The following FBLN2 variants were observed in gnomAD, a reference collection of about 807,000 sequenced individuals.
The protein encoded by FBLN2 is fibulin 2.
In FBLN2, 81 loss-of-function variants were observed where a neutral mutation model predicts 123.7. That is an observed-to-expected ratio of 0.65 (90% CI 0.55 to 0.79). The LOEUF (loss-of-function observed/expected upper bound fraction) is 0.79. FBLN2 is among the 30% of genes least tolerant of loss of function. The pLI is 0.00. For missense variants in FBLN2, 1,603 were observed against 1,681.3 expected, an observed-to-expected ratio of 0.95 and a Z score of 0.81; for synonymous variants, 699 against 701.4, an observed-to-expected ratio of 1.00 and a Z score of 0.05.
At chr3:13,632,800 C>T (rs541869651) in intron 16 of FBLN2, among the ~76,000 whole-genome samples, 1 of 151,944 alleles carries the variant, frequency 6.6e-6, no homozygotes, top group African/African-American at 2.4e-5. Flanking sequence ...CAGAAGCTGG[C>T]TTACTTAGGT....
rs113999147 is a variant in FBLN2, at chr3:13,562,786, C to T, written c.-41-7529C>T. On this transcript the variant is annotated intron_variant, in intron 1 of 17. Coordinates refer to ENST00000404922, the MANE Select transcript of FBLN2 (RefSeq NM_001004019.2). ...ACTGTGTCCCCATTAAGCAGGAACT[C>T]CTCCTGCTTCCCACCTCCAGCCCCT... 3.9e-3 allele frequency among the ~76,000 whole-genome samples: 595 copies of T among 152,328 alleles called. 3 individuals are homozygous for T. The highest frequency in any genetic ancestry group is 0.013 in the African/African-American group (557 of 41,570).
intron 4 of FBLN2, among the ~76,000 whole-genome samples, chr3:13,611,239 G>A (rs1047274784): frequency 2.2e-4 from 33 of 152,140 alleles, no homozygotes; most frequent in Admixed American, 5.2e-4. Context: ...GAGCCACTGC[G>A]TCCAGCTGAA....
intron 1 of FBLN2, among the ~76,000 whole-genome samples, chr3:13,562,396 G>A (rs1213427106): frequency 1.9e-4 from 28 of 144,506 alleles, no homozygotes; most frequent in South Asian, 2.2e-4. Context: ...TTGCCGTGTC[G>A]CCCAGGCTGG....
chr3:13,567,950 C>T (rs1014690040), intron 1 of FBLN2, among the ~76,000 whole-genome samples: 1 of 152,160 alleles, frequency 6.6e-6, no homozygotes, highest in Non-Finnish European at 1.5e-5. Context: ...AGAGTGAGAC[C>T]CTGTCTCTAA....
intron 1 of FBLN2, among the ~76,000 whole-genome samples, chr3:13,556,942 G>T (rs530976960): frequency 1.3e-5 from 2 of 152,218 alleles, no homozygotes; most frequent in African/African-American, 2.4e-5. Flanking sequence ...ACTCCCTCAC[G>T]CCCCATCTTT....
rs369408696 is a variant in FBLN2, at chr3:13,570,457, G to A, written c.102G>A (p.Thr34=). 1.1e-5 allele frequency: 17 copies of A among 1,572,054 alleles called. No homozygotes were observed. In the Admixed American group the frequency reaches 1.3e-4, roughly 12 times the overall value. The change falls in exon 2 of 18, where the codon ACG becomes ACA. Residue 34 remains threonine, a synonymous_variant. Transcript: ENST00000404922. The part of the protein sequence containing the change: ...VAAAAPRQDC[T]GVECPPLENC... ...CAGCTGCCCCTCGGCAGGACTGCAC[G>A]GGCGTGGAGTGCCCGCCGCTGGAGA...
Position 13,570,474 on chromosome 3 carries a change from C to T in FBLN2, c.119C>T (p.Pro40Leu), listed in dbSNP as rs572629206. 1.5e-5 allele frequency: 24 copies of T among 1,579,192 alleles called. No individual in the cohort carries two copies. The highest frequency in any genetic ancestry group is 2.7e-5 in the African/African-American group (2 of 74,270). Residue 40 changes from proline to leucine, a missense_variant, in exon 2 of 18, where the codon CCG becomes CTG. Pro to Leu is a moderately conservative substitution (Grantham distance 98). Coordinates refer to ENST00000404922, the MANE Select transcript of FBLN2 (RefSeq NM_001004019.2). ...GACTGCACGGGCGTGGAGTGCCCGCCGCTGGAGAACTGCATTGAGGAGGCG... is the reference window on the plus strand; with the variant it reads ...GACTGCACGGGCGTGGAGTGCCCGCTGCTGGAGAACTGCATTGAGGAGGCG... The part of the protein sequence containing the change: ...RQDCTGVECP[P>L]LENCIEEALE...
At chr3:13,563,928 C>G (rs904757875) in intron 1 of FBLN2, among the ~76,000 whole-genome samples, 9 of 152,280 alleles carry the variant, frequency 5.9e-5, no homozygotes, top group African/African-American at 2.2e-4. Flanking sequence ...GGACAAGAGA[C>G]GCTCAGGCCT....
At chr3:13,578,845 G>A (rs1028447345) in intron 2 of FBLN2, among the ~76,000 whole-genome samples, 3 of 152,036 alleles carry the variant, frequency 2.0e-5, no homozygotes, top group African/African-American at 4.8e-5. Flanking sequence ...TCCTGAGGTC[G>A]GGAGTTCAAG....
intron 1 of FBLN2, among the ~76,000 whole-genome samples, chr3:13,562,974 A>G (rs139562675): frequency 5.1e-4 from 78 of 152,256 alleles, no homozygotes; most frequent in Non-Finnish European, 8.7e-4. Context: ...CCCTCCTTTC[A>G]AGGCTGATAA....
intron 4 of FBLN2, among the ~76,000 whole-genome samples, chr3:13,611,117 T>G (rs1705378364): frequency 6.6e-6 from 1 of 151,970 alleles, no homozygotes; most frequent in African/African-American, 2.4e-5. Context: ...ATGCTTGGTT[T>G]TGTATTTTTA....
chr3:13,587,493 C>T (rs960722336), intron 2 of FBLN2, among the ~76,000 whole-genome samples: 4 of 152,174 alleles, frequency 2.6e-5, no homozygotes, highest in African/African-American at 7.2e-5. Context: ...CTGCAAGCTC[C>T]ATGCATGGTA....
intron 8 of FBLN2, among the ~76,000 whole-genome samples, chr3:13,620,936 T>C (rs924346210): frequency 6.6e-6 from 1 of 152,190 alleles, no homozygotes; most frequent in Non-Finnish European, 1.5e-5. Flanking sequence ...TCCTCTCCGA[T>C]GCTGGGGGCA....
At position 13,609,505 on chromosome 3, in the gene FBLN2, TG is replaced by T. The variant is rs1411878883; in HGVS notation, c.1419-7del. On this transcript the variant is annotated splice_region_variant and splice_polypyrimidine_tract_variant and intron_variant, in intron 3 of 17. Transcript: ENST00000404922. ...CGACTGGGGGCTAAGTTACCCCCTCTGTTTCAGGACAGCCCAGAGGCACTGC... is the reference window on the plus strand; with the variant it reads ...CGACTGGGGGCTAAGTTACCCCCTCTTTTCAGGACAGCCCAGAGGCACTGC... The T allele has an allele frequency of 6.5e-7, 1 of 1,536,820 alleles. No individual in the cohort carries two copies. The highest frequency in any genetic ancestry group is 1.2e-5 in the South Asian group (1 of 81,868).
At chr3:13,550,307 C>T (rs1164935585) in intron 1 of FBLN2, among the ~76,000 whole-genome samples, 2 of 152,198 alleles carry the variant, frequency 1.3e-5, no homozygotes, top group East Asian at 1.9e-4. Flanking sequence ...CCTGACTCCT[C>T]ACCTCCGTGC....
intron 17 of FBLN2, 124 bp downstream of exon 17, chr3:13,636,692 G>C (rs554438991): frequency 1.6e-6 from 2 of 1,214,546 alleles, no homozygotes; most frequent in East Asian, 5.1e-5. Context: ...CCTGACTGCT[G>C]GGTCTGTGGG....
At chr3:13,556,481 C>G (rs908946115) in intron 1 of FBLN2, among the ~76,000 whole-genome samples, 1 of 152,226 alleles carries the variant, frequency 6.6e-6, no homozygotes. Context: ...GGCCCCACCC[C>G]CTGATACCAT....
Position 13,571,450 on chromosome 3 carries a change from T to A in FBLN2, c.1095T>A (p.Ala365=), listed in dbSNP as rs1703949953. 6.2e-7 allele frequency: 1 copy of A among 1,613,008 alleles called. No individual in the cohort carries two copies. Among genetic ancestry groups the A allele is most frequent in the East Asian group, 2.2e-5 (1 of 44,820 alleles). ...CGCATGCACCGAGCCTGGGCAAGGCTGCTCTCGTCCCAACTCAGGCCGTGC... is the reference window on the plus strand; with the variant it reads ...CGCATGCACCGAGCCTGGGCAAGGCAGCTCTCGTCCCAACTCAGGCCGTGC... ...GVTHAPSLGK[A]ALVPTQAVPG... Residue 365 remains alanine, a synonymous_variant, in exon 2 of 18, where the codon GCT becomes GCA. Coordinates refer to ENST00000404922, the MANE Select transcript of FBLN2 (RefSeq NM_001004019.2).
At chr3:13,577,845 A>T (rs574080613) in intron 2 of FBLN2, among the ~76,000 whole-genome samples, 25 of 152,326 alleles carry the variant, frequency 1.6e-4, no homozygotes, top group African/African-American at 5.8e-4. Context: ...CCCTCTGCTC[A>T]GGGGCATCTG....
Sources: allele counts gnomAD v4.1 joint callset (sites outside exome capture counted in the v4.1 genomes callset), GRCh38; gene constraint gnomAD v4.1.1; transcripts MANE v1.5; gene names NCBI Gene and HGNC (gene_info 2026-07-23, HGNC 2026-07-21).